The following WWOX variants were observed in gnomAD, a reference collection of about 807,000 sequenced individuals.
WWOX encodes WW domain containing oxidoreductase.
A neutral mutation model predicts 46.2 loss-of-function variants in WWOX; 69 were observed. The observed-to-expected ratio is 1.49, with a 90% CI of 1.23 to 1.82. The LOEUF (loss-of-function observed/expected upper bound fraction) is 1.82. WWOX is among the 40% of genes most tolerant of loss of function. The pLI is 0.00. For synonymous variants in WWOX, 359 were observed against 202.6 expected, an observed-to-expected ratio of 1.77 and a Z score of -6.56; for missense variants, 919 against 542.6, an observed-to-expected ratio of 1.69 and a Z score of -6.89.
intron 7 of WWOX, among the ~76,000 whole-genome samples, chr16:78,430,266 C>G (rs1053127604): frequency 2.0e-5 from 3 of 152,180 alleles, no homozygotes; most frequent in African/African-American, 2.4e-5. Flanking sequence ...ATTCACTTAT[C>G]TCCACCTGGC....
chr16:78,316,836 T>C (rs1440595584), intron 5 of WWOX, among the ~76,000 whole-genome samples: 1 of 152,226 alleles, frequency 6.6e-6, no homozygotes, highest in African/African-American at 2.4e-5. Context: ...TTTTAAGTGA[T>C]AGATGTATAC....
chr16:78,705,896 C>T (rs1313292903), intron 8 of WWOX, among the ~76,000 whole-genome samples: 3 of 152,100 alleles, frequency 2.0e-5, no homozygotes, highest in East Asian at 1.9e-4. Context: ...AGGAATATGA[C>T]CTGCTAGATA....
intron 5 of WWOX, among the ~76,000 whole-genome samples, chr16:78,203,255 C>T (rs1242272223): frequency 6.6e-6 from 1 of 152,046 alleles, no homozygotes; most frequent in African/African-American, 2.4e-5. Context: ...CTTTGCCTGC[C>T]CATCCTGCAA....
intron 8 of WWOX, among the ~76,000 whole-genome samples, chr16:78,791,018 CAAAAAAAAAAAAAAAAAAAAAAAGT>C (rs2050584136): frequency 1.6e-5 from 1 of 62,456 alleles, no homozygotes; most frequent in Admixed American, 2.2e-4. Context: ...GACCCTGTCT[CAAAAAAAAAAAAAAAAAAAAAAAGT>C]GAAAAAAAGG....
chr16:78,727,053 G>T (rs560748548), intron 8 of WWOX, among the ~76,000 whole-genome samples: 3 of 152,106 alleles, frequency 2.0e-5, no homozygotes, highest in Non-Finnish European at 4.4e-5. Context: ...ACGTGGCATC[G>T]CCAGTCCCAG....
chr16:78,151,010 T>G (rs2034385843), intron 4 of WWOX, among the ~76,000 whole-genome samples: 1 of 150,754 alleles, frequency 6.6e-6, no homozygotes, highest in African/African-American at 2.4e-5. Context: ...CTTGAGTAAC[T>G]GGGACTGCAG....
At chr16:78,655,990 A>G (rs977279774) in intron 8 of WWOX, among the ~76,000 whole-genome samples, 6 of 152,142 alleles carry the variant, frequency 3.9e-5, no homozygotes, top group Non-Finnish European at 8.8e-5. Context: ...GGGGAAAAAA[A>G]GAGAAACACA....
chr16:79,092,892 A>C (rs1012728536), intron 8 of WWOX, among the ~76,000 whole-genome samples: 1 of 152,194 alleles, frequency 6.6e-6, no homozygotes, highest in Admixed American at 6.5e-5. Context: ...TTGGATTTCA[A>C]CTAGATAAGG....
intron 5 of WWOX, among the ~76,000 whole-genome samples, chr16:78,286,998 TCTCTTAGGA>T (rs2079778986): frequency 6.6e-6 from 1 of 152,196 alleles, no homozygotes. Context: ...GGGCACCCAT[TCTCTTAGGA>T]TGCTGCCCTT....
intron 8 of WWOX, among the ~76,000 whole-genome samples, chr16:79,059,577 G>C (rs542564546): frequency 1.3e-5 from 2 of 152,064 alleles, no homozygotes; most frequent in African/African-American, 4.8e-5. Flanking sequence ...TGCAGCCTCC[G>C]CCTTCCGGGT....
chr16:78,278,788 A>G lies in WWOX; in HGVS notation c.517-108072A>G, dbSNP rs142280576. On this transcript the variant is annotated intron_variant, in intron 5 of 8. Transcript: ENST00000566780. ...ACAGACATGTACGATTTGCAACAAC[A>G]TCTATTATATGATTTAATTTATACC... is the stretch of plus-strand genomic sequence containing the variant. 932 of 813,316 alleles carry G rather than the reference A, an allele frequency of 1.1e-3. 4 individuals carry two copies. In the African/African-American group the frequency reaches 0.014, roughly 13 times the overall value. The allele number at this position is 813,316 out of a possible 1,614,324, so 50.4% of individuals were successfully genotyped here.
intron 8 of WWOX, among the ~76,000 whole-genome samples, chr16:78,455,443 C>G (rs1175105336): frequency 6.6e-6 from 1 of 151,860 alleles, no homozygotes; most frequent in Non-Finnish European, 1.5e-5. Flanking sequence ...GAGTTTGAGA[C>G]CAGCCTGGCC....
At chr16:78,988,386 C>T (rs1019390146) in intron 8 of WWOX, among the ~76,000 whole-genome samples, 1 of 151,238 alleles carries the variant, frequency 6.6e-6, no homozygotes, top group Non-Finnish European at 1.5e-5. Flanking sequence ...AAATTAATTT[C>T]TCAGAGGTAG....
chr16:78,876,886 TA>T (rs2044244885), intron 8 of WWOX, among the ~76,000 whole-genome samples: 1 of 152,212 alleles, frequency 6.6e-6, no homozygotes, highest in African/African-American at 2.4e-5. Flanking sequence ...TAAAATAAGA[TA>T]ACACTCTGAA....
At chr16:79,196,772 G>C (rs909565102) in intron 8 of WWOX, among the ~76,000 whole-genome samples, 1 of 151,956 alleles carries the variant, frequency 6.6e-6, no homozygotes, top group African/African-American at 2.4e-5. Context: ...GATTTCACTT[G>C]TTGTAGAGAT....
intron 5 of WWOX, among the ~76,000 whole-genome samples, chr16:78,312,275 G>A (rs1336536350): frequency 6.6e-6 from 1 of 151,806 alleles, no homozygotes; most frequent in Admixed American, 6.6e-5. Flanking sequence ...CAGCTTTACA[G>A]TATCTTTTGT....
chr16:78,802,946 C>CAAAAAAAA (rs879363392), intron 8 of WWOX, among the ~76,000 whole-genome samples: 3 of 43,512 alleles, frequency 6.9e-5, no homozygotes, highest in Non-Finnish European at 1.3e-4. Context: ...AAAAAAACAA[C>CAAAAAAAA]AAACAGAAAA....
At chr16:78,981,630 G>A (rs2046684526) in intron 8 of WWOX, 1 of 152,082 alleles carries the variant, frequency 6.6e-6, no homozygotes, top group African/African-American at 2.4e-5. Context: ...TAGAGATGGG[G>A]TGGCCAGGCT....
At chr16:78,676,860 A>G (rs1156627392) in intron 8 of WWOX, among the ~76,000 whole-genome samples, 2 of 152,168 alleles carry the variant, frequency 1.3e-5, no homozygotes, top group African/African-American at 4.8e-5. Context: ...AAGGTGCAGT[A>G]TTGTTCCATT....
Sources: gnomAD v4.1 joint callset for allele counts (sites outside exome capture counted in the v4.1 genomes callset) on GRCh38, gnomAD v4.1.1 for gene constraint, MANE v1.5 for transcripts, NCBI Gene and HGNC (gene_info 2026-07-23, HGNC 2026-07-21) for gene names.